The following NEIL2 variants were observed in gnomAD, a reference collection of about 807,000 sequenced individuals.
NEIL2 encodes the protein nei like DNA glycosylase 2.
NEIL2 carries 23 observed loss-of-function variants against 22.2 expected under a neutral mutation model. The observed-to-expected ratio is 1.04, with a 90% CI of 0.75 to 1.47. NEIL2 has a LOEUF of 1.47. Ranked by LOEUF, NEIL2 falls within the 40% of genes most tolerant of loss-of-function variation. The pLI, the probability that NEIL2 is intolerant of heterozygous loss-of-function variation, is 0.00. For synonymous variants in NEIL2, 229 were observed against 164.8 expected (o/e 1.39, Z -2.99); for missense variants, 583 against 404.7 (o/e 1.44, Z -3.78).
In NEIL2 at chr8:11,771,542, T is replaced by C; in HGVS notation, c.95T>C (p.Leu32Pro). 13 of 1,613,970 alleles carry C rather than the reference T, an allele frequency of 8.1e-6. No homozygotes were observed. Among genetic ancestry groups the C allele is most frequent in the Non-Finnish European group, 1.1e-5 (13 of 1,179,954 alleles). ...VVKTGGSSKK[L>P]QPASLQSLWL... is the part of the protein sequence containing the mutation. Reference sequence around the variant, plus strand: ...AAGACAGGGGGCAGCAGTAAGAAGCTACAGCCCGCCAGCCTGCAGTCTCTG... The same window carrying C: ...AAGACAGGGGGCAGCAGTAAGAAGCCACAGCCCGCCAGCCTGCAGTCTCTG... The change falls in exon 2 of 5, where the codon CTA becomes CCA. Residue 32 changes from leucine to proline, a missense_variant. Transcript: ENST00000284503.
At position 11,786,601 on chromosome 8, in the gene NEIL2, C is replaced by G. The variant is rs570801099; in HGVS notation, c.*328C>G. 1.9e-5 allele frequency: 7 copies of G among 367,908 alleles called. No homozygotes were observed. In the East Asian group the frequency reaches 4.4e-4, roughly 23 times the overall value. 22.8% of individuals were successfully genotyped at this position (367,908 alleles called of 1,614,324 possible). ...AAAGCCTATGGGAAATGGCTGTGCT[C>G]CCAACATAGCTTTGCAGATGATGTG... On this transcript the variant is annotated 3_prime_UTR_variant, in exon 5 of 5. Coordinates refer to ENST00000284503, the MANE Select transcript of NEIL2 (RefSeq NM_145043.4).
At chr8:11,770,930 C>T (rs1183450059) in intron 1 of NEIL2, among the ~76,000 whole-genome samples, 3 of 152,120 alleles carry the variant, frequency 2.0e-5, no homozygotes, top group African/African-American at 7.2e-5. Flanking sequence ...GCGTGTTGGT[C>T]GTTTCATGCA....
chr8:11,777,807 A>G (rs1311202739), intron 2 of NEIL2, among the ~76,000 whole-genome samples: 2 of 152,274 alleles, frequency 1.3e-5, no homozygotes, highest in African/African-American at 4.8e-5. Context: ...ACAGTTCTGG[A>G]GCCTGGAAAG....
intron 4 of NEIL2, among the ~76,000 whole-genome samples, chr8:11,785,688 G>C (rs553190735): frequency 6.6e-5 from 10 of 152,132 alleles, no homozygotes; most frequent in Admixed American, 6.5e-5. Flanking sequence ...CTTGAGCTGC[G>C]ATTCAAGTGC....
At chr8:11,777,986 C>G (rs1392007056) in intron 2 of NEIL2, among the ~76,000 whole-genome samples, 1 of 152,194 alleles carries the variant, frequency 6.6e-6, no homozygotes, top group East Asian at 1.9e-4. Context: ...GAAAGCATTG[C>G]AGAGCCTTAT....
chr8:11,778,290 G>GTTT (rs34908835), intron 2 of NEIL2, among the ~76,000 whole-genome samples: 1 of 130,302 alleles, frequency 7.7e-6, no homozygotes. Flanking sequence ...TCCTTGCTCA[G>GTTT]TTTTTTTTTT....
In NEIL2 at chr8:11,779,688, G is replaced by C. The variant is rs1440029890; in HGVS notation, c.229G>C (p.Glu77Gln). Residue 77 changes from glutamate to glutamine, a missense_variant, in exon 3 of 5, where the codon GAA becomes CAA. Glu to Gln is a conservative substitution (Grantham distance 29). Transcript: ENST00000284503. Reference sequence around the variant, plus strand: ...CCCAACACCAGAGCCTCCACAAAAAGAAGTGCAGAAGGAAGGGGCTGCGGA... The same window carrying C: ...CCCAACACCAGAGCCTCCACAAAAACAAGTGCAGAAGGAAGGGGCTGCGGA... Reference protein sequence around the residue: ...SSPTPEPPQKEVQKEGAADPK... With the variant: ...SSPTPEPPQKQVQKEGAADPK... The C allele has an allele frequency of 6.2e-7, 1 of 1,614,046 alleles. No individual in the cohort carries two copies. The highest frequency in any genetic ancestry group is 1.1e-5 in the South Asian group (1 of 91,082).
rs111526253 is a variant in NEIL2 at position 11,782,509 on chromosome 8, G to C, written c.492-694G>C. The C allele has an allele frequency of 4.4e-3, 706 of 159,372 alleles. 5 individuals carry two copies. The highest frequency in any genetic ancestry group is 0.013 in the Middle Eastern group (4 of 298). 9.9% of individuals were successfully genotyped at this position (159,372 alleles called of 1,614,324 possible). A position where few individuals can be genotyped will look rare whatever the true frequency, so the allele number is the denominator to read the frequency against. ...GGGCTTAGCCTAACCTACCTTATAT[G>C]TGCTCAGAACAATTACATTAGCCTA... On this transcript the variant is annotated intron_variant, in intron 3 of 4. Coordinates refer to ENST00000284503, the MANE Select transcript of NEIL2 (RefSeq NM_145043.4).
chr8:11,776,285 C>A (rs1286497521), intron 2 of NEIL2, among the ~76,000 whole-genome samples: 1 of 152,202 alleles, frequency 6.6e-6, no homozygotes, highest in Non-Finnish European at 1.5e-5. Context: ...GTTGTGGGAA[C>A]AGCATGGGAA....
chr8:11,776,797 G>T (rs1803942182), intron 2 of NEIL2, among the ~76,000 whole-genome samples: 1 of 152,084 alleles, frequency 6.6e-6, no homozygotes, highest in Admixed American at 6.5e-5. Context: ...CTGCAGCAGG[G>T]GTCTCTGCTC....
At chr8:11,774,502 C>T (rs192268522) in intron 2 of NEIL2, among the ~76,000 whole-genome samples, 18 of 152,204 alleles carry the variant, frequency 1.2e-4, no homozygotes, top group Non-Finnish European at 2.1e-4. Flanking sequence ...ACATGGGAAT[C>T]ATGGGAGTTA....
chr8:11,778,145 C>T (rs751941970), intron 2 of NEIL2, among the ~76,000 whole-genome samples: 7 of 152,162 alleles, frequency 4.6e-5, no homozygotes, highest in Admixed American at 2.0e-4. Flanking sequence ...ACATCCTGAC[C>T]TAGACATTTT....
At chr8:11,773,275 G>A (rs1218129434) in intron 2 of NEIL2, among the ~76,000 whole-genome samples, 8 of 152,148 alleles carry the variant, frequency 5.3e-5, no homozygotes, top group African/African-American at 1.4e-4. Flanking sequence ...ACCCGTAGAC[G>A]GGACTGGGAG....
chr8:11,779,762 C>T lies in NEIL2; in HGVS notation c.303C>T (p.Ser101=), dbSNP rs779609419. ...EPSGQKTLDG[S]SRSAELVPQG... ...GCGGGCAGAAGACCCTTGATGGATC[C>T]TCACGGTCTGCAGAGCTCGTCCCCC... The change falls in exon 3 of 5, where the codon TCC becomes TCT. Residue 101 remains serine, a synonymous_variant. Transcript: ENST00000284503. 3 of 1,614,244 alleles carry T rather than the reference C, an allele frequency of 1.9e-6. No individual in the cohort carries two copies. Among genetic ancestry groups the T allele is most frequent in the Non-Finnish European group, 2.5e-6 (3 of 1,180,046 alleles).
At chr8:11,783,695 G>A (rs1373955210) in intron 4 of NEIL2, among the ~76,000 whole-genome samples, 2 of 152,168 alleles carry the variant, frequency 1.3e-5, no homozygotes, top group African/African-American at 2.4e-5. Context: ...TCATGTCTCC[G>A]GCACCTCTGT....
intron 2 of NEIL2, among the ~76,000 whole-genome samples, chr8:11,771,920 AC>A (rs1329004175): frequency 2.0e-5 from 3 of 152,120 alleles, no homozygotes; most frequent in Non-Finnish European, 4.4e-5. Flanking sequence ...ACAGAGCAGA[AC>A]CGGCTGGGCA....
At chr8:11,772,532 A>G (rs1268949932) in intron 2 of NEIL2, among the ~76,000 whole-genome samples, 1 of 152,120 alleles carries the variant, frequency 6.6e-6, no homozygotes, top group East Asian at 1.9e-4. Context: ...TGTCTGCTTT[A>G]GGTGGGAAGG....
At chr8:11,780,627 C>T (rs1351373785) in intron 3 of NEIL2, among the ~76,000 whole-genome samples, 1 of 152,222 alleles carries the variant, frequency 6.6e-6, no homozygotes, top group Non-Finnish European at 1.5e-5. Context: ...AAGCGATCGC[C>T]TACCTCCGCC....
chr8:11,777,580 G>C (rs1240478924), intron 2 of NEIL2, among the ~76,000 whole-genome samples: 1 of 151,914 alleles, frequency 6.6e-6, no homozygotes, highest in African/African-American at 2.4e-5. Flanking sequence ...TCTACTTTCT[G>C]TCTCGATGAA....
Sources: allele counts gnomAD v4.1 joint callset (sites outside exome capture counted in the v4.1 genomes callset), GRCh38; gene constraint gnomAD v4.1.1; transcripts MANE v1.5; gene names NCBI Gene and HGNC (gene_info 2026-07-23, HGNC 2026-07-21).